The following ARHGAP24 variants were observed in gnomAD, a reference collection of about 807,000 sequenced individuals.
ARHGAP24 encodes the protein Rho GTPase activating protein 24, also known as rho GTPase-activating protein 24.
ARHGAP24 carries 50 observed loss-of-function variants against 76.4 expected under a neutral mutation model. That is an observed-to-expected ratio of 0.65 (90% CI 0.52 to 0.83). The LOEUF (loss-of-function observed/expected upper bound fraction) is 0.83, where lower values mean the gene tolerates loss of function less well. ARHGAP24 is among the 40% of genes least tolerant of loss of function. The pLI is 0.00. For synonymous variants in ARHGAP24, 345 were observed against 323.3 expected, an observed-to-expected ratio of 1.07 and a Z score of -0.72; for missense variants, 930 against 914.2, an observed-to-expected ratio of 1.02 and a Z score of -0.22.
intron 1 of ARHGAP24, among the ~76,000 whole-genome samples, chr4:85,512,960 G>A (rs572975587): frequency 6.6e-6 from 1 of 152,284 alleles, no homozygotes; most frequent in Non-Finnish European, 1.5e-5. Flanking sequence ...CTCCAGAGTG[G>A]GTGTGTGGTC....
chr4:85,782,037 A>T (rs1475046408), intron 3 of ARHGAP24, among the ~76,000 whole-genome samples: 4 of 29,790 alleles, frequency 1.3e-4, no homozygotes, highest in Non-Finnish European at 4.7e-4. Context: ...ATTCTATCTC[A>T]AAAAAAAAAA....
At chr4:85,828,787 G>C (rs1173138061) in intron 3 of ARHGAP24, among the ~76,000 whole-genome samples, 1 of 151,986 alleles carries the variant, frequency 6.6e-6, no homozygotes, top group Non-Finnish European at 1.5e-5. Flanking sequence ...GGTCAGTTTT[G>C]TATGTTGGCT....
At chr4:85,652,370 GA>G (rs1373226062) in intron 2 of ARHGAP24, among the ~76,000 whole-genome samples, 3 of 152,166 alleles carry the variant, frequency 2.0e-5, no homozygotes, top group Non-Finnish European at 2.9e-5. Context: ...GTATAATTCA[GA>G]AGATGAAATT....
chr4:85,614,065 G>A (rs985804727), intron 2 of ARHGAP24, among the ~76,000 whole-genome samples: 1 of 152,156 alleles, frequency 6.6e-6, no homozygotes, highest in Non-Finnish European at 1.5e-5. Context: ...TTTTAAGCAT[G>A]CAATTCTTTT....
chr4:85,769,081 A>G (rs1231187112), intron 3 of ARHGAP24, among the ~76,000 whole-genome samples: 1 of 152,204 alleles, frequency 6.6e-6, no homozygotes, highest in Non-Finnish European at 1.5e-5. Flanking sequence ...TATTAGAAAT[A>G]GTCATATCCT....
intron 3 of ARHGAP24, among the ~76,000 whole-genome samples, chr4:85,833,252 G>T (rs996498709): frequency 4.6e-5 from 7 of 152,286 alleles, no homozygotes; most frequent in South Asian, 4.1e-4. Context: ...TGTCAGCTAT[G>T]TGCTGGCCCT....
chr4:85,981,558 T>C (rs138651684), intron 8 of ARHGAP24, among the ~76,000 whole-genome samples: 48 of 152,340 alleles, frequency 3.2e-4, no homozygotes, highest in African/African-American at 1.1e-3. Flanking sequence ...CTTTTCTGAC[T>C]TCACAGAGCT....
intron 4 of ARHGAP24, among the ~76,000 whole-genome samples, chr4:85,933,628 G>T (rs1185746865): frequency 6.6e-6 from 1 of 152,150 alleles, no homozygotes; most frequent in African/African-American, 2.4e-5. Context: ...GTTCCGTTGA[G>T]ATAAAGATTA....
intron 3 of ARHGAP24, among the ~76,000 whole-genome samples, chr4:85,774,456 A>T (rs1560626019): frequency 6.6e-6 from 1 of 152,200 alleles, no homozygotes; most frequent in Non-Finnish European, 1.5e-5. Context: ...GGTGAGGGCA[A>T]CTTCTTAAAA....
At chr4:85,491,441 C>A (rs1387973467) in intron 1 of ARHGAP24, among the ~76,000 whole-genome samples, 1 of 152,112 alleles carries the variant, frequency 6.6e-6, no homozygotes, top group African/African-American at 2.4e-5. Context: ...TTGCCACTTA[C>A]TGTTCTTGGA....
chr4:85,772,900 C>T (rs757842859), intron 3 of ARHGAP24, among the ~76,000 whole-genome samples: 4 of 150,872 alleles, frequency 2.7e-5, no homozygotes, highest in Non-Finnish European at 5.9e-5. Flanking sequence ...GTATGCTGCC[C>T]TCAAAGAGAC....
intron 3 of ARHGAP24, among the ~76,000 whole-genome samples, chr4:85,838,783 C>T (rs1289469239): frequency 6.6e-6 from 1 of 152,012 alleles, no homozygotes; most frequent in Non-Finnish European, 1.5e-5. Context: ...ACCTTCCCTC[C>T]CCCACTAAGT....
chr4:85,930,906 G>C, intron 4 of ARHGAP24: 1 of 1,613,208 alleles, frequency 6.2e-7, no homozygotes, highest in Non-Finnish European at 8.5e-7. Context: ...AGCCAAAACC[G>C]GGTTCAGAAC....
chr4:85,763,446 C>T (rs145001870), intron 3 of ARHGAP24, among the ~76,000 whole-genome samples: 176 of 142,662 alleles, frequency 1.2e-3, no homozygotes, highest in African/African-American at 4.4e-3. Context: ...TAACTGAGGT[C>T]CCATAGGGAG....
intron 3 of ARHGAP24, among the ~76,000 whole-genome samples, chr4:85,905,819 A>C (rs181387708): frequency 6.6e-6 from 1 of 152,260 alleles, no homozygotes; most frequent in African/African-American, 2.4e-5. Context: ...AAAAAACTTT[A>C]TATGCTTGGT....
chr4:85,977,116 T>A (rs562754678), intron 7 of ARHGAP24, among the ~76,000 whole-genome samples: 28 of 152,136 alleles, frequency 1.8e-4, no homozygotes, highest in Non-Finnish European at 2.6e-4. Context: ...TTTCTTAATA[T>A]ACTATAATTT....
intron 1 of ARHGAP24, among the ~76,000 whole-genome samples, chr4:85,568,682 T>G (rs1206718405): frequency 1.3e-5 from 2 of 152,160 alleles, no homozygotes; most frequent in Admixed American, 1.3e-4. Flanking sequence ...GAGAGTGTTT[T>G]CTGCAATAAG....
At chr4:85,567,278 A>G (rs1173870989) in intron 1 of ARHGAP24, among the ~76,000 whole-genome samples, 1 of 152,200 alleles carries the variant, frequency 6.6e-6, no homozygotes. Context: ...AAATGGAAGC[A>G]GTGAGACTCC....
chr4:85,667,216 C>A (rs562942863), intron 2 of ARHGAP24, among the ~76,000 whole-genome samples: 140 of 152,300 alleles, frequency 9.2e-4, no homozygotes, highest in African/African-American at 3.2e-3. Context: ...GCTCCCCTCC[C>A]CCAGCATTGC....
Sources: gnomAD v4.1 joint callset for allele counts (sites outside exome capture counted in the v4.1 genomes callset) on GRCh38, gnomAD v4.1.1 for gene constraint, MANE v1.5 for transcripts, NCBI Gene and HGNC (gene_info 2026-07-23, HGNC 2026-07-21) for gene names.